CSMD1: variants seen among roughly 807,000 people sequenced by gnomAD.
CSMD1 encodes the protein CUB and sushi domain-containing protein 1.
Under a neutral mutation model 417.5 loss-of-function variants are expected in CSMD1, and 213 were observed. The ratio of observed to expected loss-of-function variants is 0.51; its 90% CI spans 0.46 to 0.57. CSMD1 has a LOEUF of 0.57. CSMD1 is among the 20% of genes least tolerant of loss of function. The pLI is 0.00. For synonymous variants in CSMD1, 2,862 were observed against 1,736.8 expected, an observed-to-expected ratio of 1.65 and a Z score of -16.11; for missense variants, 6,923 against 4,529.7, an observed-to-expected ratio of 1.53 and a Z score of -15.17.
At chr8:4,166,680 C>T (rs186894089) in intron 3 of CSMD1, among the ~76,000 whole-genome samples, 1 of 151,978 alleles carries the variant, frequency 6.6e-6, no homozygotes, top group Non-Finnish European at 1.5e-5. Context: ...GATGGGTGCA[C>T]CAAAATCAAG....
chr8:4,490,561 G>C (rs1801648651), intron 2 of CSMD1, among the ~76,000 whole-genome samples: 1 of 152,154 alleles, frequency 6.6e-6, no homozygotes, highest in Non-Finnish European at 1.5e-5. Flanking sequence ...AAGGATATGA[G>C]ATGCAGAATT....
chr8:3,691,197 T>C (rs906114799), intron 7 of CSMD1, among the ~76,000 whole-genome samples: 1 of 151,658 alleles, frequency 6.6e-6, no homozygotes, highest in African/African-American at 2.4e-5. Context: ...TGAAACCACG[T>C]CTCTACAAAA....
At chr8:4,961,434 T>C (rs549460134) in intron 1 of CSMD1, among the ~76,000 whole-genome samples, 1 of 152,270 alleles carries the variant, frequency 6.6e-6, no homozygotes, top group Admixed American at 6.5e-5. Flanking sequence ...CTCCTTGAAA[T>C]GTCCTCTTCT....
chr8:4,363,914 G>A (rs1453296747), intron 3 of CSMD1, among the ~76,000 whole-genome samples: 4 of 152,072 alleles, frequency 2.6e-5, no homozygotes, highest in Non-Finnish European at 2.9e-5. Context: ...AGGGTGTAGG[G>A]CAGGGGGGAG....
At chr8:3,771,440 T>C (rs2623637) in intron 5 of CSMD1, among the ~76,000 whole-genome samples, 45,897 of 152,096 alleles carry the variant, frequency 0.3, 7,995 homozygotes, top group African/African-American at 0.48. Context: ...TAGCAAGTTC[T>C]TCTCTCAGTT....
At chr8:4,437,408 G>T (rs553495886) in intron 2 of CSMD1, among the ~76,000 whole-genome samples, 1 of 152,134 alleles carries the variant, frequency 6.6e-6, no homozygotes, top group Non-Finnish European at 1.5e-5. Flanking sequence ...CTAGCAAAGT[G>T]AGCCACATTT....
rs114257174 is a variant in CSMD1, at chr8:4,937,475, T to C, written c.85+56857A>G. ...TACTAAGGCAAGGTATTTTCTTATG[T>C]GTTGGATGAAAAGAGATTTACAAAG... On this transcript the variant is annotated intron_variant, in intron 1 of 69. Coordinates refer to ENST00000635120, the MANE Select transcript of CSMD1 (RefSeq NM_033225.6). Among the ~76,000 whole-genome samples the C allele has an allele frequency of 7.0e-3, 1,068 of 152,264 alleles. 14 individuals carry two copies. The highest frequency in any genetic ancestry group is 0.025 in the African/African-American group (1,027 of 41,558).
chr8:3,171,706 A>C (rs1201258853), intron 37 of CSMD1, among the ~76,000 whole-genome samples: 1 of 152,194 alleles, frequency 6.6e-6, no homozygotes, highest in African/African-American at 2.4e-5. Context: ...GGAATTATTT[A>C]AAAAAATAGA....
At chr8:4,182,235 A>AC (rs1563234980) in intron 3 of CSMD1, among the ~76,000 whole-genome samples, 1 of 152,172 alleles carries the variant, frequency 6.6e-6, no homozygotes, top group African/African-American at 2.4e-5. Context: ...ATGATACATA[A>AC]GAAAAAAACG....
At chr8:3,298,531 G>A (rs1401284175) in intron 25 of CSMD1, among the ~76,000 whole-genome samples, 2 of 152,168 alleles carry the variant, frequency 1.3e-5, no homozygotes, top group African/African-American at 2.4e-5. Flanking sequence ...GTGGCTCACT[G>A]CAACCTCTGC....
At chr8:3,157,362 A>G (rs1819599913) in intron 39 of CSMD1, among the ~76,000 whole-genome samples, 1 of 152,152 alleles carries the variant, frequency 6.6e-6, no homozygotes, top group Non-Finnish European at 1.5e-5. Flanking sequence ...AGGGAGTCTC[A>G]AGCCATTAAA....
intron 38 of CSMD1, among the ~76,000 whole-genome samples, chr8:3,160,862 G>A (rs1819846328): frequency 6.6e-6 from 1 of 152,154 alleles, no homozygotes; most frequent in Admixed American, 6.5e-5. Context: ...AGCATTCAGC[G>A]TTTGCCAGCC....
chr8:3,969,190 C>T (rs1046466523), intron 5 of CSMD1, among the ~76,000 whole-genome samples: 1 of 152,150 alleles, frequency 6.6e-6, no homozygotes, highest in African/African-American at 2.4e-5. Flanking sequence ...GCAGTGGTTG[C>T]AGTGAGCCTA....
At chr8:3,030,669 G>C (rs1585187617) in intron 50 of CSMD1, among the ~76,000 whole-genome samples, 1 of 152,046 alleles carries the variant, frequency 6.6e-6, no homozygotes, top group African/African-American at 2.4e-5. Flanking sequence ...ATTTTTAGTA[G>C]AAATGGGGTT....
At position 3,479,538 on chromosome 8, in the gene CSMD1, C is replaced by G. The variant is rs375493854; in HGVS notation, c.1449-10714G>C. ...TAGGTGATCTGCCCACCTCGGCCCC[C>G]CAAAGTGCTGGGATTACAGGTGTGA... On this transcript the variant is annotated intron_variant, in intron 11 of 69. Coordinates refer to ENST00000635120, the MANE Select transcript of CSMD1 (RefSeq NM_033225.6). Among the ~76,000 whole-genome samples, 20 of 152,328 alleles carry G rather than the reference C, an allele frequency of 1.3e-4. No individual in the cohort carries two copies. In the East Asian group the frequency reaches 1.7e-3, roughly 13 times the overall value.
At chr8:4,414,136 C>T (rs886475445) in intron 3 of CSMD1, among the ~76,000 whole-genome samples, 1 of 152,126 alleles carries the variant, frequency 6.6e-6, no homozygotes, top group African/African-American at 2.4e-5. Flanking sequence ...TAAATCAGTG[C>T]TGACATTCTA....
At chr8:4,985,259 A>G (rs1330364956) in intron 1 of CSMD1, among the ~76,000 whole-genome samples, 1 of 152,158 alleles carries the variant, frequency 6.6e-6, no homozygotes, top group Non-Finnish European at 1.5e-5. Flanking sequence ...TAACTAATGG[A>G]TACTAGGCTT....
At position 3,407,799 on chromosome 8, in the gene CSMD1, A is replaced by G. The variant is rs914465537; in HGVS notation, c.2071+100T>C. The G allele has an allele frequency of 5.1e-6, 5 of 987,032 alleles. No homozygotes were observed. The Admixed American group carries it at 1.1e-4, about 23-fold the overall frequency. 61.1% of individuals were successfully genotyped at this position (987,032 alleles called of 1,614,324 possible). A position where few individuals can be genotyped will look rare whatever the true frequency, so the allele number is the denominator to read the frequency against. On this transcript the variant is annotated intron_variant, in intron 14 of 69. Transcript: ENST00000635120. ...TTCATAATGATTATAAAACCTCTGA[A>G]GTATCAACCTTGAAATGCAACTTCA...
At chr8:4,969,475 T>TTC (rs965696426) in intron 1 of CSMD1, among the ~76,000 whole-genome samples, 4 of 151,078 alleles carry the variant, frequency 2.6e-5, no homozygotes, top group Non-Finnish European at 4.4e-5. Context: ...TATTCATTCA[T>TTC]TCTCTCTCTC....
Sources: allele counts gnomAD v4.1 joint callset (sites outside exome capture counted in the v4.1 genomes callset), GRCh38; gene constraint gnomAD v4.1.1; transcripts MANE v1.5; gene names NCBI Gene and HGNC (gene_info 2026-07-23, HGNC 2026-07-21).